The following DLG2 variants were observed in gnomAD, a reference collection of about 807,000 sequenced individuals.
DLG2 encodes the protein disks large homolog 2.
Under a neutral mutation model 132.5 loss-of-function variants are expected in DLG2, and 45 were observed. The ratio of observed to expected loss-of-function variants is 0.34; its 90% CI spans 0.27 to 0.44. The LOEUF is 0.44. Among genes scored for constraint, DLG2 ranks in the 20% least tolerant of loss-of-function variants. The pLI, the probability that DLG2 is intolerant of heterozygous loss-of-function variation, is 1.00. For missense variants in DLG2, 1,045 were observed against 1,196.9 expected (o/e 0.87, Z 1.87); for synonymous variants, 424 against 419.6 (o/e 1.01, Z -0.13).
In DLG2 at chr11:85,285,337, C is replaced by T; in HGVS notation, c.69G>A (p.Leu23=). The change falls in exon 4 of 28, where the codon TTG becomes TTA. Residue 23 remains leucine (L), a synonymous_variant. Coordinates refer to ENST00000376104, the MANE Select transcript of DLG2 (RefSeq NM_001142699.3). The stretch of plus-strand genomic sequence containing the variant: ...GCTCACAACTTTTTTGAGAATTTAG[C>T]AATGTCACCTCATAAAATTCTTGGA... ...LDIQEFYEVT[L]LNSQKSCEQK... 1 of 1,611,174 alleles carries T rather than the reference C, an allele frequency of 6.2e-7. No individual in the cohort carries two copies. The highest frequency in any genetic ancestry group is 1.3e-5 in the African/African-American group (1 of 74,872).
At chr11:83,559,841 A>G (rs1285728809) in intron 19 of DLG2, among the ~76,000 whole-genome samples, 1 of 152,160 alleles carries the variant, frequency 6.6e-6, no homozygotes, top group Non-Finnish European at 1.5e-5. Flanking sequence ...AAAGACAAAG[A>G]CCAAACCCTA....
Position 85,508,305 on chromosome 11 carries a change from C to T in DLG2, c.40+90352G>A, listed in dbSNP as rs560375097. On this transcript the variant is annotated intron_variant, in intron 3 of 27. Transcript: ENST00000376104. The stretch of plus-strand genomic sequence containing the variant: ...GCTCACTCTGCTGCAGCCACAGTGA[C>T]ATGCTTGATGTTTCTCCAACATGCC... Among the ~76,000 whole-genome samples the T allele has an allele frequency of 7.9e-5, 12 of 151,592 alleles. No homozygotes were observed. In the South Asian group the frequency reaches 1.9e-3, roughly 24 times the overall value.
intron 12 of DLG2, among the ~76,000 whole-genome samples, chr11:83,969,245 G>A (rs1386096745): frequency 6.6e-6 from 1 of 152,148 alleles, no homozygotes; most frequent in Admixed American, 6.5e-5. Context: ...ATATTTGTAT[G>A]TTGATTCATT....
At chr11:85,355,125 C>T (rs911226938) in intron 3 of DLG2, among the ~76,000 whole-genome samples, 4 of 152,018 alleles carry the variant, frequency 2.6e-5, no homozygotes, top group African/African-American at 9.7e-5. Context: ...GGTATATACA[C>T]AATTTATACT....
At chr11:85,534,045 T>A (rs2075400672) in intron 3 of DLG2, among the ~76,000 whole-genome samples, 2 of 152,182 alleles carry the variant, frequency 1.3e-5, no homozygotes, top group South Asian at 4.1e-4. Context: ...TGAAGTGCAA[T>A]GGCGCTATCC....
At chr11:85,301,643 A>C (rs1468450858) in intron 3 of DLG2, among the ~76,000 whole-genome samples, 1 of 152,210 alleles carries the variant, frequency 6.6e-6, no homozygotes, top group Non-Finnish European at 1.5e-5. Flanking sequence ...TTCTCCAAGA[A>C]CACAAAGCCA....
intron 3 of DLG2, among the ~76,000 whole-genome samples, chr11:85,288,015 C>T (rs1330579019): frequency 6.6e-6 from 1 of 151,966 alleles, no homozygotes; most frequent in Non-Finnish European, 1.5e-5. Flanking sequence ...CTTCAGTAGA[C>T]AGGGTGGGCA....
chr11:83,624,683 A>G (rs1361788364), intron 19 of DLG2, among the ~76,000 whole-genome samples: 1 of 152,234 alleles, frequency 6.6e-6, no homozygotes, highest in Non-Finnish European at 1.5e-5. Context: ...CAAGCCTGTG[A>G]ACTAGGTACT....
intron 6 of DLG2, among the ~76,000 whole-genome samples, chr11:84,705,779 C>T (rs968961296): frequency 6.6e-5 from 10 of 151,732 alleles, no homozygotes; most frequent in African/African-American, 2.4e-4. Flanking sequence ...ATAAAAATAT[C>T]TTAAAAATGA....
At chr11:83,657,820 G>C (rs975670149) in intron 18 of DLG2, among the ~76,000 whole-genome samples, 1 of 152,118 alleles carries the variant, frequency 6.6e-6, no homozygotes, top group Non-Finnish European at 1.5e-5. Flanking sequence ...GATTACAGGC[G>C]TGAGCCACCG....
chr11:83,737,065 T>C (rs2091993141), intron 18 of DLG2, among the ~76,000 whole-genome samples: 1 of 152,184 alleles, frequency 6.6e-6, no homozygotes, highest in Non-Finnish European at 1.5e-5. Flanking sequence ...TAGGCCACAC[T>C]GTAGAGCCCC....
At chr11:84,810,489 G>C (rs1363180825) in intron 6 of DLG2, among the ~76,000 whole-genome samples, 1 of 152,094 alleles carries the variant, frequency 6.6e-6, no homozygotes, top group Admixed American at 6.6e-5. Context: ...GACAGCAATT[G>C]CTATTTAGGA....
intron 19 of DLG2, among the ~76,000 whole-genome samples, chr11:83,620,120 C>A (rs2061402351): frequency 6.6e-6 from 1 of 151,986 alleles, no homozygotes; most frequent in Non-Finnish European, 1.5e-5. Flanking sequence ...AGTATGGAAT[C>A]CTGAGTTTGA....
At chr11:84,833,693 G>T (rs1346111756) in intron 6 of DLG2, among the ~76,000 whole-genome samples, 3 of 151,486 alleles carry the variant, frequency 2.0e-5, no homozygotes, top group Non-Finnish European at 4.4e-5. Flanking sequence ...TTAGTGGGTT[G>T]TTATGAAACC....
At chr11:85,402,410 C>A (rs1175604057) in intron 3 of DLG2, among the ~76,000 whole-genome samples, 1 of 152,116 alleles carries the variant, frequency 6.6e-6, no homozygotes, top group East Asian at 1.9e-4. Flanking sequence ...CTAGGCAATA[C>A]CATTCAGGAC....
chr11:84,818,353 T>G (rs7129466), intron 6 of DLG2, among the ~76,000 whole-genome samples: 1,534 of 151,916 alleles, frequency 0.01, 31 homozygotes, highest in African/African-American at 0.035. Flanking sequence ...GAAACTTTTT[T>G]GGTTTAGATT....
intron 7 of DLG2, among the ~76,000 whole-genome samples, chr11:84,301,473 T>C (rs967965507): frequency 6.6e-6 from 1 of 151,476 alleles, no homozygotes; most frequent in African/African-American, 2.4e-5. Context: ...CTGGCTAACA[T>C]GGTGAAGCCC....
chr11:84,021,555 T>C (rs891530223), intron 11 of DLG2, among the ~76,000 whole-genome samples: 2 of 152,104 alleles, frequency 1.3e-5, no homozygotes, highest in African/African-American at 2.4e-5. Flanking sequence ...GATATGCTTG[T>C]CAGCAGCAAC....
At chr11:84,804,722 GTCC>G (rs2075799344) in intron 6 of DLG2, among the ~76,000 whole-genome samples, 1 of 152,092 alleles carries the variant, frequency 6.6e-6, no homozygotes, top group Non-Finnish European at 1.5e-5. Context: ...CATTATAACT[GTCC>G]TCCTCCAGAA....
Sources: gnomAD v4.1 joint callset for allele counts (sites outside exome capture counted in the v4.1 genomes callset) on GRCh38, gnomAD v4.1.1 for gene constraint, MANE v1.5 for transcripts, NCBI Gene and HGNC (gene_info 2026-07-23, HGNC 2026-07-21) for gene names.